LINGO2: variants seen among roughly 807,000 people sequenced by gnomAD.
LINGO2 encodes the protein leucine-rich repeat and immunoglobulin-like domain-containing nogo receptor-interacting protein 2.
LINGO2 carries 14 observed loss-of-function variants against 30.6 expected under a neutral mutation model. The observed-to-expected ratio is 0.46, with a 90% CI of 0.30 to 0.72. The LOEUF is 0.72. Ranked by LOEUF, LINGO2 falls within the 30% of genes least tolerant of loss-of-function variation. LINGO2 has a pLI of 0.07. For missense variants in LINGO2, 729 were observed against 751.7 expected (o/e 0.97, Z 0.35); for synonymous variants, 317 against 288.5 (o/e 1.10, Z -1.00).
intron 1 of LINGO2, among the ~76,000 whole-genome samples, chr9:28,541,733 C>A (rs577851578): frequency 6.6e-6 from 1 of 152,244 alleles, no homozygotes; most frequent in African/African-American, 2.4e-5. Flanking sequence ...AAACATAAAT[C>A]ATTACAGGGA....
chr9:28,607,707 C>G (rs1242150755), intron 1 of LINGO2, among the ~76,000 whole-genome samples: 1 of 151,982 alleles, frequency 6.6e-6, no homozygotes, highest in East Asian at 1.9e-4. Context: ...CAAAAATTCC[C>G]CATCTTTCAT....
At chr9:28,694,988 C>T in the LINGO2 span, among the ~76,000 whole-genome samples, 2 of 146,646 alleles carry the variant, frequency 1.4e-5, no homozygotes, top group Non-Finnish European at 3.0e-5. Context: ...ATTGAATTTA[C>T]TGTAGGTGAG....
At chr9:29,128,844 G>A in the LINGO2 span, among the ~76,000 whole-genome samples, 1 of 152,042 alleles carries the variant, frequency 6.6e-6, no homozygotes. Flanking sequence ...TATACGTTGT[G>A]CCTACCAAAT....
At chr9:28,354,365 G>A (rs953895525) in intron 3 of LINGO2, among the ~76,000 whole-genome samples, 2 of 152,052 alleles carry the variant, frequency 1.3e-5, no homozygotes, top group African/African-American at 4.8e-5. Context: ...GAAATATAAA[G>A]CAAATATGAC....
intron 1 of LINGO2, among the ~76,000 whole-genome samples, chr9:28,498,393 A>C (rs987371853): frequency 3.9e-5 from 6 of 152,178 alleles, no homozygotes; most frequent in African/African-American, 9.7e-5. Context: ...GCTGCCTTGC[A>C]GTTAGATCTC....
At chr9:28,325,075 C>T (rs144572496) in intron 3 of LINGO2, among the ~76,000 whole-genome samples, 1 of 151,732 alleles carries the variant, frequency 6.6e-6, no homozygotes, top group African/African-American at 2.4e-5. Flanking sequence ...TCCTTCTCTC[C>T]CTCTCCTCCC....
downstream of LINGO2, among the ~76,000 whole-genome samples, chr9:27,945,872 C>T (rs1442966197): frequency 6.6e-6 from 1 of 152,136 alleles, no homozygotes; most frequent in African/African-American, 2.4e-5. Context: ...TAATCCATTG[C>T]TATGATGGAT....
chr9:28,091,807 A>G (rs1285331201), intron 4 of LINGO2, among the ~76,000 whole-genome samples: 1 of 152,218 alleles, frequency 6.6e-6, no homozygotes, highest in African/African-American at 2.4e-5. Context: ...CTCATGTGGC[A>G]AAGGGCTAAT....
intron 4 of LINGO2, among the ~76,000 whole-genome samples, chr9:28,019,173 T>C (rs1822988493): frequency 6.6e-6 from 1 of 152,202 alleles, no homozygotes; most frequent in African/African-American, 2.4e-5. Flanking sequence ...TATTGGGTAC[T>C]ATGCTTTTAC....
chr9:29,201,328 C>T, the LINGO2 span, among the ~76,000 whole-genome samples: 1 of 151,972 alleles, frequency 6.6e-6, no homozygotes, highest in Admixed American at 6.6e-5. Context: ...TCATAACAGC[C>T]TTATAGAGAT....
At chr9:28,768,315 C>T in the LINGO2 span, among the ~76,000 whole-genome samples, 2 of 152,124 alleles carry the variant, frequency 1.3e-5, no homozygotes, top group African/African-American at 4.8e-5. Context: ...GAACTGGTAT[C>T]TTAATTAAAA....
the LINGO2 span, among the ~76,000 whole-genome samples, chr9:28,741,156 C>T: frequency 6.6e-6 from 1 of 151,974 alleles, no homozygotes; most frequent in African/African-American, 2.4e-5. Flanking sequence ...GCCTAGAACT[C>T]AGGTCCACTG....
At chr9:28,589,235 C>T (rs1372119687) in intron 1 of LINGO2, among the ~76,000 whole-genome samples, 3 of 151,964 alleles carry the variant, frequency 2.0e-5, no homozygotes, top group Admixed American at 2.0e-4. Flanking sequence ...CTTTGAAAAC[C>T]AGCACAAGAC....
intron 2 of LINGO2, among the ~76,000 whole-genome samples, chr9:28,379,997 C>A (rs1245938054): frequency 6.6e-6 from 1 of 152,058 alleles, no homozygotes; most frequent in Non-Finnish European, 1.5e-5. Flanking sequence ...GACAGGGGTT[C>A]ACAAATTACA....
chr9:27,984,570 G>A (rs745339391), intron 5 of LINGO2, among the ~76,000 whole-genome samples: 3 of 151,790 alleles, frequency 2.0e-5, no homozygotes, highest in African/African-American at 4.8e-5. Context: ...TATAGAAAGA[G>A]CATTGCTCTT....
intron 4 of LINGO2, among the ~76,000 whole-genome samples, chr9:28,101,783 G>A (rs191457451): frequency 3.1e-4 from 47 of 152,200 alleles, no homozygotes; most frequent in East Asian, 5.8e-4. Context: ...AGCCAAGTGC[G>A]GATTACATTC....
intron 1 of LINGO2, among the ~76,000 whole-genome samples, chr9:28,656,946 G>C (rs1051064157): frequency 3.3e-5 from 5 of 152,086 alleles, no homozygotes; most frequent in Non-Finnish European, 7.4e-5. Context: ...TCTGCGGATA[G>C]ATCAACATAG....
chr9:28,739,811 C>A, the LINGO2 span, among the ~76,000 whole-genome samples: 2 of 151,264 alleles, frequency 1.3e-5, no homozygotes, highest in African/African-American at 4.8e-5. Flanking sequence ...GTTTTGAAAT[C>A]AGAAATAGTG....
the LINGO2 span, among the ~76,000 whole-genome samples, chr9:28,933,098 G>C: frequency 6.6e-6 from 1 of 151,976 alleles, no homozygotes; most frequent in African/African-American, 2.4e-5. Context: ...GTATTGACAG[G>C]GTTTTGCCAT....
Sources: gnomAD v4.1 joint callset for allele counts (sites outside exome capture counted in the v4.1 genomes callset) on GRCh38, gnomAD v4.1.1 for gene constraint, MANE v1.5 for transcripts, NCBI Gene and HGNC (gene_info 2026-07-23, HGNC 2026-07-21) for gene names.